The following PRKG1 variants were observed in gnomAD, a reference collection of about 807,000 sequenced individuals.
PRKG1 encodes protein kinase cGMP-dependent 1, also known as cGMP-dependent protein kinase 1.
PRKG1 carries 35 observed loss-of-function variants against 88.1 expected under a neutral mutation model. That is an observed-to-expected ratio of 0.40 (90% confidence interval 0.30 to 0.53). PRKG1 has a LOEUF of 0.53. PRKG1 is among the 20% of genes least tolerant of loss of function. PRKG1 has a pLI of 0.59. For missense variants in PRKG1, 540 were observed against 839.8 expected, an observed-to-expected ratio of 0.64 and a Z score of 4.41; for synonymous variants, 303 against 292.5, an observed-to-expected ratio of 1.04 and a Z score of -0.37.
At chr10:51,002,509 T>C (rs1429966388) in intron 1 of PRKG1, among the ~76,000 whole-genome samples, 3 of 152,234 alleles carry the variant, frequency 2.0e-5, no homozygotes, top group Admixed American at 2.0e-4. Context: ...GAATATAAAC[T>C]GCCTCTCAAA....
At chr10:51,131,100 T>C (rs1016280281) in intron 1 of PRKG1, among the ~76,000 whole-genome samples, 3 of 152,154 alleles carry the variant, frequency 2.0e-5, no homozygotes, top group Non-Finnish European at 4.4e-5. Context: ...ACAATTAATG[T>C]TCCTGGTAGA....
At chr10:51,566,938 GA>G (rs1026306653) in intron 3 of PRKG1, among the ~76,000 whole-genome samples, 1 of 132,084 alleles carries the variant, frequency 7.6e-6, no homozygotes, top group Non-Finnish European at 1.5e-5. Context: ...AAAAAAAAAA[GA>G]GAGAGAGAGA....
At chr10:52,159,900 C>T (rs1337402103) in intron 8 of PRKG1, among the ~76,000 whole-genome samples, 1 of 151,810 alleles carries the variant, frequency 6.6e-6, no homozygotes, top group Non-Finnish European at 1.5e-5. Flanking sequence ...GGTTTTCCTA[C>T]ATAATATTAT....
At chr10:52,005,251 C>CTTT (rs10595402) in intron 5 of PRKG1, among the ~76,000 whole-genome samples, 7 of 117,760 alleles carry the variant, frequency 5.9e-5, no homozygotes, top group Admixed American at 2.8e-4. Flanking sequence ...TAATGCCCAT[C>CTTT]TTTTTTTTTT....
chr10:51,482,262 C>A (rs570541937), intron 3 of PRKG1, among the ~76,000 whole-genome samples: 1 of 152,036 alleles, frequency 6.6e-6, no homozygotes, highest in Non-Finnish European at 1.5e-5. Flanking sequence ...GAGTTATTTA[C>A]CCCCTCTGAA....
At chr10:51,287,108 C>A (rs1248494424) in intron 2 of PRKG1, among the ~76,000 whole-genome samples, 1 of 152,162 alleles carries the variant, frequency 6.6e-6, no homozygotes, top group Non-Finnish European at 1.5e-5. Flanking sequence ...AACTCCTTGT[C>A]TCAAGTGGTC....
At chr10:51,011,491 C>T (rs138317001) in intron 1 of PRKG1, among the ~76,000 whole-genome samples, 1 of 152,144 alleles carries the variant, frequency 6.6e-6, no homozygotes, top group Non-Finnish European at 1.5e-5. Flanking sequence ...AAACTTCATA[C>T]TTAGAAGTAA....
intron 3 of PRKG1, among the ~76,000 whole-genome samples, chr10:51,487,103 G>A (rs1372486530): frequency 6.6e-6 from 1 of 152,024 alleles, no homozygotes; most frequent in African/African-American, 2.4e-5. Context: ...AAAGTGTAGA[G>A]TTAAAAGTAC....
At chr10:52,092,601 A>G (rs1191087220) in intron 7 of PRKG1, among the ~76,000 whole-genome samples, 1 of 152,294 alleles carries the variant, frequency 6.6e-6, no homozygotes, top group East Asian at 1.9e-4. Flanking sequence ...ACTTTGATTG[A>G]TACTTGATCC....
At chr10:51,163,153 G>A (rs1246389936) in intron 2 of PRKG1, among the ~76,000 whole-genome samples, 1 of 152,168 alleles carries the variant, frequency 6.6e-6, no homozygotes, top group Non-Finnish European at 1.5e-5. Flanking sequence ...CAACAGGAGT[G>A]AAACTCTGTC....
chr10:51,212,241 G>T (rs1261069583), intron 2 of PRKG1, among the ~76,000 whole-genome samples: 2 of 151,616 alleles, frequency 1.3e-5, no homozygotes, highest in Non-Finnish European at 3.0e-5. Flanking sequence ...AATAAATGGT[G>T]CTGGGAAAAC....
At chr10:51,090,663 A>T (rs1844377361) in intron 1 of PRKG1, among the ~76,000 whole-genome samples, 1 of 152,192 alleles carries the variant, frequency 6.6e-6, no homozygotes, top group Non-Finnish European at 1.5e-5. Flanking sequence ...TTTAGTGGTT[A>T]TTCTGTGCAG....
At chr10:52,140,421 T>G (rs1837544764) in intron 8 of PRKG1, among the ~76,000 whole-genome samples, 1 of 152,100 alleles carries the variant, frequency 6.6e-6, no homozygotes, top group Non-Finnish European at 1.5e-5. Flanking sequence ...ATTTCTTCAC[T>G]TCACTCTTCT....
At chr10:51,712,614 G>T (rs1841784998) in intron 3 of PRKG1, among the ~76,000 whole-genome samples, 1 of 131,062 alleles carries the variant, frequency 7.6e-6, no homozygotes, top group Admixed American at 8.3e-5. Context: ...TTTTGAGACG[G>T]AGTCTCGCTC....
intron 4 of PRKG1, among the ~76,000 whole-genome samples, chr10:51,859,791 T>C (rs1840822821): frequency 1.3e-5 from 2 of 152,194 alleles, no homozygotes; most frequent in Non-Finnish European, 2.9e-5. Context: ...AAATTCTCTT[T>C]AACATTCCAC....
chr10:52,242,870 T>A (rs1229098311), intron 9 of PRKG1, among the ~76,000 whole-genome samples: 1 of 150,270 alleles, frequency 6.7e-6, no homozygotes, highest in Admixed American at 6.7e-5. Flanking sequence ...CACTCCAGCC[T>A]GAGTGACAGA....
chr10:51,187,439 T>C (rs1837520919), intron 2 of PRKG1, among the ~76,000 whole-genome samples: 2 of 152,008 alleles, frequency 1.3e-5, no homozygotes, highest in African/African-American at 2.4e-5. Context: ...GTTGTAAAAA[T>C]AGACTAGAGT....
At chr10:51,036,230 GAA>G (rs1040443832) in intron 1 of PRKG1, among the ~76,000 whole-genome samples, 1 of 151,840 alleles carries the variant, frequency 6.6e-6, no homozygotes, top group African/African-American at 2.4e-5. Context: ...CATCCTCCAT[GAA>G]AAAAGAGACC....
chr10:51,669,701 T>C (rs1301305521), intron 3 of PRKG1, among the ~76,000 whole-genome samples: 1 of 152,214 alleles, frequency 6.6e-6, no homozygotes, highest in Admixed American at 6.5e-5. Flanking sequence ...CCAGTTAACT[T>C]TTGTTACTTA....
Sources: gnomAD v4.1 joint callset for allele counts (sites outside exome capture counted in the v4.1 genomes callset) on GRCh38, gnomAD v4.1.1 for gene constraint, MANE v1.5 for transcripts, NCBI Gene and HGNC (gene_info 2026-07-23, HGNC 2026-07-21) for gene names.